Variants in NFATC2 observed in about 807,000 individuals in gnomAD.
NFATC2 encodes nuclear factor of activated T-cells, cytoplasmic 2.
Under a neutral mutation model 87.3 loss-of-function variants are expected in NFATC2, and 22 were observed. The observed-to-expected ratio is 0.25, with a 90% CI of 0.18 to 0.36. The LOEUF (loss-of-function observed/expected upper bound fraction) is 0.36. Among genes scored for constraint, NFATC2 ranks in the 10% least tolerant of loss-of-function variants. The pLI is 1.00. For missense variants in NFATC2, 1,149 were observed against 1,259.1 expected, an observed-to-expected ratio of 0.91 and a Z score of 1.32; for synonymous variants, 565 against 542.2, an observed-to-expected ratio of 1.04 and a Z score of -0.58.
intron 1 of NFATC2, among the ~76,000 whole-genome samples, chr20:51,536,390 CA>C: frequency 6.6e-6 from 1 of 152,288 alleles, no homozygotes; most frequent in South Asian, 2.1e-4. Flanking sequence ...CTTACCAATG[CA>C]AACTCTCAGC....
intron 9 of NFATC2, among the ~76,000 whole-genome samples, chr20:51,427,121 T>C (rs767876665): frequency 6.6e-6 from 1 of 152,068 alleles, no homozygotes; most frequent in Non-Finnish European, 1.5e-5. Context: ...GCCACACCCC[T>C]GCCCCCATGT....
intron 3 of NFATC2, among the ~76,000 whole-genome samples, chr20:51,512,382 A>G (rs544194133): frequency 6.6e-6 from 1 of 152,052 alleles, no homozygotes; most frequent in East Asian, 1.9e-4. Flanking sequence ...AACTCAAACC[A>G]TCCTAGTCCA....
chr20:51,454,805 T>G (rs1986224130), intron 5 of NFATC2, 117 bp from the exon 6 acceptor site: 1 of 1,145,376 alleles, frequency 8.7e-7, no homozygotes, highest in African/African-American at 1.5e-5. Context: ...TCACCTGTTG[T>G]TATCTAAAAT....
intron 3 of NFATC2, among the ~76,000 whole-genome samples, chr20:51,495,840 T>A (rs945027749): frequency 3.9e-5 from 6 of 152,016 alleles, no homozygotes; most frequent in African/African-American, 1.4e-4. Context: ...ACCTCAATCA[T>A]CCCTCCTCTG....
intron 9 of NFATC2, chr20:51,398,948 T>C (rs889301188): frequency 3.9e-6 from 2 of 518,890 alleles, no homozygotes; most frequent in Non-Finnish European, 6.9e-6. Context: ...CTGTGCAAAG[T>C]GCATTACATT....
At chr20:51,410,582 G>C (rs1892333632) in intron 9 of NFATC2, among the ~76,000 whole-genome samples, 2 of 151,984 alleles carry the variant, frequency 1.3e-5, no homozygotes, top group Admixed American at 6.6e-5. Flanking sequence ...GGGAGGGAGA[G>C]AGAAGAAAGA....
intron 9 of NFATC2, among the ~76,000 whole-genome samples, chr20:51,423,962 A>T (rs6021196): frequency 0.06 from 9,068 of 152,268 alleles, 898 homozygotes; most frequent in African/African-American, 0.21. Flanking sequence ...TAGCTCTCTT[A>T]CATAAGCCAG....
At chr20:51,548,159 G>A (rs1025747945) in intron 1 of NFATC2, among the ~76,000 whole-genome samples, 1 of 151,932 alleles carries the variant, frequency 6.6e-6, no homozygotes, top group Non-Finnish European at 1.5e-5. Flanking sequence ...CTGATCGTCC[G>A]CCTGTTCCTT....
chr20:51,398,533 A>T (rs965059041), intron 10 of NFATC2, 110 bp downstream of exon 10: 3 of 656,220 alleles, frequency 4.6e-6, no homozygotes, highest in Non-Finnish European at 7.7e-6. Context: ...ATGAGAAGAG[A>T]GGGCCTTCAG....
chr20:51,395,335 T>C (rs976142386), intron 10 of NFATC2, among the ~76,000 whole-genome samples: 1 of 51,198 alleles, frequency 2.0e-5, no homozygotes, highest in Non-Finnish European at 3.8e-5. Flanking sequence ...GTATTGATCC[T>C]TTAATTAACT....
chr20:51,397,928 A>G (rs914716948), intron 10 of NFATC2, among the ~76,000 whole-genome samples: 3 of 152,274 alleles, frequency 2.0e-5, no homozygotes, highest in African/African-American at 4.8e-5. Context: ...TCCTTCCTCA[A>G]TGTCTCATCT....
At chr20:51,510,411 C>T (rs1225356381) in intron 3 of NFATC2, among the ~76,000 whole-genome samples, 1 of 152,160 alleles carries the variant, frequency 6.6e-6, no homozygotes, top group Non-Finnish European at 1.5e-5. Flanking sequence ...TTTTGTCCAC[C>T]GGAGGACCAC....
intron 1 of NFATC2, among the ~76,000 whole-genome samples, chr20:51,534,357 A>G (rs1338407349): frequency 6.6e-6 from 1 of 152,212 alleles, no homozygotes; most frequent in Non-Finnish European, 1.5e-5. Flanking sequence ...TTTTTGAGAC[A>G]GAGTCTCACT....
rs757651997 is a variant in NFATC2, at chr20:51,562,527, G to C, written c.70+33C>G. 6.5e-7 allele frequency: 1 copy of C among 1,527,902 alleles called. No individual in the cohort carries two copies. The highest frequency in any genetic ancestry group is 1.4e-5 in the African/African-American group (1 of 72,534). The allele number at this position is 1,527,902 out of a possible 1,614,324, so 94.6% of individuals were successfully genotyped here. A position where few individuals can be genotyped will look rare whatever the true frequency, so the allele number is the denominator to read the frequency against. ...CAGGAAAGGGCCGGGAGGAGCGAGC[G>C]GAAAAGGCTGGAAGGGATCGAGAGT... On this transcript the variant is annotated intron_variant, in intron 1 of 10. Transcript: ENST00000414705. This position sits in a 1 kb window ranked among gnomAD's most constrained non-coding sequence, Gnocchi z 5.8.
upstream of NFATC2, among the ~76,000 whole-genome samples, chr20:51,545,019 G>A (rs775817702): frequency 4.6e-5 from 7 of 152,312 alleles, no homozygotes; most frequent in South Asian, 1.4e-3. Flanking sequence ...GATGCATTTA[G>A]GTGGAGGAAG....
At position 51,478,361 on chromosome 20, in the gene NFATC2, T is replaced by C. The variant is rs544988634; in HGVS notation, c.1333-2701A>G. Among the ~76,000 whole-genome samples, 9 of 152,334 alleles carry C rather than the reference T, an allele frequency of 5.9e-5. No individual in the cohort carries two copies. The East Asian group carries it at 1.5e-3, about 26-fold the overall frequency. Reference sequence around the variant, plus strand: ...CTCTCCTGGATTTATCAAGAGTTGGTATCAAGAAGAAAGGTAGGATGGAGA... The same window carrying C: ...CTCTCCTGGATTTATCAAGAGTTGGCATCAAGAAGAAAGGTAGGATGGAGA... On this transcript the variant is annotated intron_variant, in intron 3 of 10. Transcript: ENST00000371564.
intron 9 of NFATC2, among the ~76,000 whole-genome samples, chr20:51,414,607 T>C (rs556752501): frequency 6.6e-5 from 10 of 151,890 alleles, no homozygotes; most frequent in Middle Eastern, 3.4e-3. Context: ...GAGAATCAAC[T>C]GAACCCAGGA....
chr20:51,491,284 T>TAAAAAAA (rs879352877), intron 3 of NFATC2, among the ~76,000 whole-genome samples: 1 of 143,372 alleles, frequency 7.0e-6, no homozygotes, highest in Non-Finnish European at 1.5e-5. Context: ...TGGACAAGGT[T>TAAAAAAA]AAAAAAAAAA....
At chr20:51,436,507 G>C (rs1040634157) in intron 6 of NFATC2, among the ~76,000 whole-genome samples, 3 of 151,336 alleles carry the variant, frequency 2.0e-5, no homozygotes, top group Non-Finnish European at 4.4e-5. Flanking sequence ...CTAGGAGTTC[G>C]AGACCAGCCT....
Sources: allele counts gnomAD v4.1 joint callset (sites outside exome capture counted in the v4.1 genomes callset), GRCh38; gene constraint gnomAD v4.1.1; non-coding constraint Gnocchi (gnomAD v3.1); transcripts MANE v1.5; gene names NCBI Gene and HGNC (gene_info 2026-07-23, HGNC 2026-07-21).